The following WDR25 variants were observed in gnomAD, a reference collection of about 807,000 sequenced individuals.
WDR25 encodes WD repeat-containing protein 25.
In WDR25, 35 loss-of-function variants were observed where a neutral mutation model predicts 47.7. That is an observed-to-expected ratio of 0.73 (90% CI 0.56 to 0.97). The LOEUF (loss-of-function observed/expected upper bound fraction) is 0.97, where lower values mean the gene tolerates loss of function less well. Ranked by LOEUF, WDR25 falls within the 50% of genes least tolerant of loss-of-function variation. The pLI is 0.00. For missense variants in WDR25, 634 were observed against 704.7 expected (o/e 0.90, Z 1.14); for synonymous variants, 248 against 278.9 (o/e 0.89, Z 1.10).
At chr14:100,512,741 A>C (rs912044595) in intron 4 of WDR25, among the ~76,000 whole-genome samples, 1 of 152,132 alleles carries the variant, frequency 6.6e-6, no homozygotes, top group East Asian at 1.9e-4. Context: ...ATTTTTCTCT[A>C]GGTATTTCAG....
At position 100,506,149 on chromosome 14, in the gene WDR25, G is replaced by A. The variant is rs1003492827; in HGVS notation, c.1102-19721G>A. Among the ~76,000 whole-genome samples, 8 of 152,100 alleles carry A rather than the reference G, an allele frequency of 5.3e-5. No individual in the cohort carries two copies. The highest frequency in any genetic ancestry group is 1.9e-4 in the African/African-American group (8 of 41,406). ...CCCAAAGTTTAGCTTCCACTTATAAGTGAAAACATGGAGTATTTTTGTTTT... is the reference window on the plus strand; with the variant it reads ...CCCAAAGTTTAGCTTCCACTTATAAATGAAAACATGGAGTATTTTTGTTTT... On this transcript the variant is annotated intron_variant, in intron 4 of 6. Coordinates refer to ENST00000402312, the MANE Select transcript of WDR25 (RefSeq NM_001161476.3). The surrounding 1 kb of genome is among the most constrained non-coding windows in gnomAD (Gnocchi z 4.8).
At chr14:100,459,622 ATATCT>A (rs1459509529) in intron 2 of WDR25, among the ~76,000 whole-genome samples, 3 of 151,934 alleles carry the variant, frequency 2.0e-5, no homozygotes, top group African/African-American at 7.3e-5. Context: ...CCCTCTATGC[ATATCT>A]ATCTCCGAAT....
chr14:100,463,304 A>G lies in WDR25; in HGVS notation c.823-4717A>G, dbSNP rs1899490707. 4.6e-5 allele frequency among the ~76,000 whole-genome samples: 7 copies of G among 152,322 alleles called. No homozygotes were observed. The South Asian group carries it at 1.2e-3, about 27-fold the overall frequency. ...ACAGATACCTATACACCTGTCACTG[A>G]GATTGTCAAATCCCCAGGTGTGTCT... is the stretch of plus-strand genomic sequence containing the variant. On this transcript the variant is annotated intron_variant, in intron 2 of 6. Transcript: ENST00000402312.
intron 4 of WDR25, among the ~76,000 whole-genome samples, chr14:100,509,637 A>G (rs1901234368): frequency 6.6e-6 from 1 of 152,216 alleles, no homozygotes; most frequent in African/African-American, 2.4e-5. Context: ...TTAAGTTTTC[A>G]TATATGTATA....
chr14:100,484,866 T>G (rs1595136625), intron 4 of WDR25, among the ~76,000 whole-genome samples: 1 of 152,068 alleles, frequency 6.6e-6, no homozygotes, highest in Admixed American at 6.6e-5. Context: ...TCTCTCACTT[T>G]CCCCCTTGCC....
chr14:100,508,640 A>G (rs373629662), intron 4 of WDR25, among the ~76,000 whole-genome samples: 11 of 152,208 alleles, frequency 7.2e-5, no homozygotes, highest in Admixed American at 4.6e-4. Context: ...CTTTCGGTAC[A>G]ATACTGAATA....
intron 2 of WDR25, among the ~76,000 whole-genome samples, chr14:100,400,290 T>G (rs1227499492): frequency 6.6e-6 from 1 of 152,238 alleles, no homozygotes; most frequent in African/African-American, 2.4e-5. Context: ...ACAACCCACA[T>G]GGCTGCACAT....
At chr14:100,457,335 G>A (rs1899238220) in intron 2 of WDR25, among the ~76,000 whole-genome samples, 1 of 152,164 alleles carries the variant, frequency 6.6e-6, no homozygotes, top group Non-Finnish European at 1.5e-5. Context: ...TACATACAGA[G>A]GAGCAAAGAC....
chr14:100,430,522 C>G lies in WDR25; in HGVS notation c.823-37499C>G, dbSNP rs1041971744. Among the ~76,000 whole-genome samples the G allele has an allele frequency of 1.2e-4, 18 of 152,212 alleles. No individual in the cohort carries two copies. Among genetic ancestry groups the G allele is most frequent in the African/African-American group, 4.1e-4 (17 of 41,458 alleles). On this transcript the variant is annotated intron_variant, in intron 2 of 6. Transcript: ENST00000402312. The surrounding 1 kb of genome is among the most constrained non-coding windows in gnomAD (Gnocchi z 4.7). ...GCCTGGCACAAAGTAGGTGCTCACT[C>G]ATTGGGTGTTGGATTTAATTAAAAT...
intron 2 of WDR25, among the ~76,000 whole-genome samples, chr14:100,411,137 A>G (rs1001987363): frequency 6.6e-6 from 1 of 152,166 alleles, no homozygotes; most frequent in Admixed American, 6.5e-5. Flanking sequence ...ATATTTACCC[A>G]TCACACATTT....
Position 100,499,473 on chromosome 14 carries a change from G to A in WDR25, c.1101+15349G>A, listed in dbSNP as rs779031748. Among the ~76,000 whole-genome samples, 16 of 152,146 alleles carry A rather than the reference G, an allele frequency of 1.1e-4. 1 individual carries two copies. The highest frequency in any genetic ancestry group is 1.0e-3 in the Admixed American group (16 of 15,280). On this transcript the variant is annotated intron_variant, in intron 4 of 6. Coordinates refer to ENST00000402312, the MANE Select transcript of WDR25 (RefSeq NM_001161476.3). This position sits in a 1 kb window ranked among gnomAD's most constrained non-coding sequence, Gnocchi z 4.4. ...AAGGTAAGCATGGTTTTTAGGTTCC[G>A]GAAACCACTGCCTGCTTCCTTCCAG... is the stretch of plus-strand genomic sequence containing the variant.
At chr14:100,460,203 C>G (rs1172671047) in intron 2 of WDR25, among the ~76,000 whole-genome samples, 1 of 151,164 alleles carries the variant, frequency 6.6e-6, no homozygotes, top group Non-Finnish European at 1.5e-5. Context: ...AGCTCCACCT[C>G]CTGGGTTCAT....
chr14:100,445,702 ACC>A, intron 2 of WDR25, among the ~76,000 whole-genome samples: 1 of 149,124 alleles, frequency 6.7e-6, no homozygotes, highest in East Asian at 2.0e-4. Context: ...TTGTTCTGAA[ACC>A]CCCAGGTTGC....
intron 2 of WDR25, among the ~76,000 whole-genome samples, chr14:100,466,272 G>T (rs1595118037): frequency 6.6e-6 from 1 of 152,252 alleles, no homozygotes; most frequent in South Asian, 2.1e-4. Context: ...TTTTTTGAAG[G>T]CTACTCTTGA....
At chr14:100,382,398 T>A (rs1245311043) in intron 2 of WDR25, among the ~76,000 whole-genome samples, 1 of 152,092 alleles carries the variant, frequency 6.6e-6, no homozygotes, top group Non-Finnish European at 1.5e-5. Context: ...TGTGTATGTG[T>A]TGGCTCCAAG....
rs1433166582 is a variant in WDR25, at chr14:100,428,212, T to A, written c.823-39809T>A. On this transcript the variant is annotated intron_variant, in intron 2 of 6. Transcript: ENST00000402312. This position sits in a 1 kb window ranked among gnomAD's most constrained non-coding sequence, Gnocchi z 4.3. ...CCCGTCTAGAATTCTGTGTGCGGAG[T>A]GGAGGTGAGATGCTGAGGCTGTGCC... 1.3e-5 allele frequency among the ~76,000 whole-genome samples: 2 copies of A among 151,830 alleles called. No individual in the cohort carries two copies. The highest frequency in any genetic ancestry group is 4.8e-5 in the African/African-American group (2 of 41,278).
At chr14:100,450,195 A>T (rs1898978986) in intron 2 of WDR25, among the ~76,000 whole-genome samples, 1 of 152,164 alleles carries the variant, frequency 6.6e-6, no homozygotes, top group Middle Eastern at 3.2e-3. Context: ...GCCCTGGGTG[A>T]CCTGCGTTTT....
rs544460672 is a variant in WDR25 at position 100,456,201 on chromosome 14, G to A, written c.823-11820G>A. Reference sequence around the variant, plus strand: ...AGTGAGACCTTGTCTCAAAAAATTAGGTAGGCATGGTGACATGCACCTGTA... The same window carrying A: ...AGTGAGACCTTGTCTCAAAAAATTAAGTAGGCATGGTGACATGCACCTGTA... On this transcript the variant is annotated intron_variant, in intron 2 of 6. Transcript: ENST00000402312. Among the ~76,000 whole-genome samples the A allele has an allele frequency of 3.9e-5, 6 of 152,196 alleles. No individual in the cohort carries two copies. The South Asian group carries it at 1.2e-3, about 32-fold the overall frequency.
chr14:100,441,629 T>C (rs1359532862), intron 2 of WDR25, among the ~76,000 whole-genome samples: 1 of 152,140 alleles, frequency 6.6e-6, no homozygotes, highest in African/African-American at 2.4e-5. Flanking sequence ...GCAGGTGGAC[T>C]TTGCTGCTTC....
Sources: gnomAD v4.1 joint callset for allele counts (sites outside exome capture counted in the v4.1 genomes callset) on GRCh38, gnomAD v4.1.1 for gene constraint, Gnocchi (gnomAD v3.1) non-coding constraint, MANE v1.5 for transcripts, NCBI Gene and HGNC (gene_info 2026-07-23, HGNC 2026-07-21) for gene names.